DNHD1: variants seen among roughly 807,000 people sequenced by gnomAD.
DNHD1 encodes the protein dynein heavy chain domain-containing protein 1.
A neutral mutation model predicts 458.1 loss-of-function variants in DNHD1; 383 were observed. The ratio of observed to expected loss-of-function variants is 0.84; its 90% CI spans 0.77 to 0.91. The LOEUF (loss-of-function observed/expected upper bound fraction) is 0.91. Among genes scored for constraint, DNHD1 ranks in the 40% least tolerant of loss-of-function variants. The probability of loss-of-function intolerance (pLI) is 0.00; values close to 1 mark genes in which losing one functional copy is unlikely to be tolerated. For synonymous variants in DNHD1, 2,203 were observed against 2,376.9 expected, an observed-to-expected ratio of 0.93 and a Z score of 2.13; for missense variants, 5,336 against 5,866.1, an observed-to-expected ratio of 0.91 and a Z score of 2.95.
Position 6,544,975 on chromosome 11 carries a change from G to C in DNHD1, c.4036G>C (p.Glu1346Gln). ...GCTGGAGGGCATCATCATGAGTCTG[G>C]AGAGCGTGCTCTATGGGGTGTGTGC... ...VELEGIIMSLESVLYGVCAHF... is the reference protein window; with the variant it reads ...VELEGIIMSLQSVLYGVCAHF... Residue 1346 changes from glutamate (E) to glutamine (Q), a missense_variant, in exon 21 of 43, where the codon GAG becomes CAG. Physicochemically the swap from Glu to Gln is conservative, Grantham distance 29. This residue lies in a region of DNHD1 where 3,932 missense variants were observed against 4,365.6 expected (regional missense o/e 0.90). Transcript: ENST00000254579. 1 of 1,551,754 alleles carries C rather than the reference G, an allele frequency of 6.4e-7. No individual in the cohort carries two copies. Among genetic ancestry groups the C allele is most frequent in the Non-Finnish European group, 8.7e-7 (1 of 1,146,996 alleles).
rs757367778 is a variant in DNHD1 at position 6,570,844 on chromosome 11, G to A, written c.13332G>A (p.Val4444=). ...AAAGGCGACTGCGGCAACGCCTAGT[G>A]CAAGTCAACCGGAGGCTGGAGTCAC... ...LAERRLRQRL[V]QVNRRLESLQ... The change falls in exon 42 of 43, where the codon GTG becomes GTA. Residue 4444 remains valine, a synonymous_variant. Transcript: ENST00000254579. 6.2e-7 allele frequency: 1 copy of A among 1,614,046 alleles called. No individual in the cohort carries two copies. Among genetic ancestry groups the A allele is most frequent in the South Asian group, 1.1e-5 (1 of 91,088 alleles).
In DNHD1 at chr11:6,533,189, G is replaced by A. The variant is rs1220147669; in HGVS notation, c.2505+5G>A. 2.1e-5 allele frequency: 32 copies of A among 1,550,706 alleles called. No homozygotes were observed. The highest frequency in any genetic ancestry group is 2.8e-5 in the Non-Finnish European group (32 of 1,146,682). Reference sequence around the variant, plus strand: ...ATTGCACAGTGCACCCAGAAGGTGGGCTCTCCCCATCCATCCTTCCCAGTT... The same window carrying A: ...ATTGCACAGTGCACCCAGAAGGTGGACTCTCCCCATCCATCCTTCCCAGTT... On this transcript the variant is annotated splice_donor_5th_base_variant and intron_variant, in intron 13 of 42. Coordinates refer to ENST00000254579, the MANE Select transcript of DNHD1 (RefSeq NM_144666.3).
In DNHD1 at chr11:6,545,864, T is replaced by A. The variant is rs1853203244; in HGVS notation, c.4925T>A (p.Val1642Glu). Residue 1642 changes from valine (V) to glutamate (E), a missense_variant, in exon 21 of 43, where the codon GTG becomes GAG. Transcript: ENST00000254579. This position sits in a 1 kb window ranked among gnomAD's most constrained non-coding sequence, Gnocchi z 4.9. Reference sequence around the variant, plus strand: ...TCACCAGCGGCATGCTGGATAGATGTGCTAGGCAGGTCCTTCCTGTACAAT... The same window carrying A: ...TCACCAGCGGCATGCTGGATAGATGAGCTAGGCAGGTCCTTCCTGTACAAT... ...SLSPAACWID[V>E]LGRSFLYNYE... The A allele has an allele frequency of 7.1e-6, 11 of 1,551,738 alleles. No homozygotes were observed. Among genetic ancestry groups the A allele is most frequent in the Non-Finnish European group, 9.6e-6 (11 of 1,147,022 alleles).
intron 17 of DNHD1, among the ~76,000 whole-genome samples, 173 bp from the exon 18 acceptor site, chr11:6,539,703 C>T (rs928865887): frequency 5.3e-5 from 8 of 152,164 alleles, no homozygotes; most frequent in Non-Finnish European, 8.8e-5. Flanking sequence ...TAGATGCTGC[C>T]GATGGCCTAT....
chr11:6,503,614 G>A (rs1224808442), intron 4 of DNHD1: 9 of 152,198 alleles, frequency 5.9e-5, no homozygotes, highest in African/African-American at 2.2e-4. Context: ...CTCCTGAGTA[G>A]CTGGGATTAC....
At chr11:6,528,411 G>A in intron 10 of DNHD1, 111 bp from the exon 11 acceptor site, 3 of 1,153,386 alleles carry the variant, frequency 2.6e-6, no homozygotes, top group Non-Finnish European at 3.6e-6. Context: ...ATGGGTGTGT[G>A]TGTGTGTGTG....
chr11:6,519,830 C>G lies in DNHD1; in HGVS notation c.1623C>G (p.Thr541=), dbSNP rs765696750. Residue 541 remains threonine, a synonymous_variant, in exon 8 of 43, where the codon ACC becomes ACG. Coordinates refer to ENST00000254579, the MANE Select transcript of DNHD1 (RefSeq NM_144666.3). The part of the protein sequence containing the change: ...SLISVLEEQI[T]SFVANILQAP... ...TTTCTGTCTTGGAAGAGCAGATAAC[C>G]TCTTTTGTGGCCAACATCCTTCAAG... 5.1e-5 allele frequency: 82 copies of G among 1,612,566 alleles called. No individual in the cohort carries two copies. The highest frequency in any genetic ancestry group is 6.0e-5 in the Non-Finnish European group (71 of 1,180,032).
intron 39 of DNHD1, 33 bp downstream of exon 39, chr11:6,568,899 A>T: frequency 6.3e-7 from 1 of 1,575,836 alleles, no homozygotes; most frequent in Non-Finnish European, 8.6e-7. Context: ...TGCTCAGTCA[A>T]TCACTCAACA....
chr11:6,571,965 G>A lies in DNHD1; in HGVS notation c.14241G>A (p.Val4747=), dbSNP rs746928277. The change falls in exon 43 of 43, where the codon GTG becomes GTA. Residue 4747 remains valine, a synonymous_variant. Transcript: ENST00000254579. This position sits in a 1 kb window ranked among gnomAD's most constrained non-coding sequence, Gnocchi z 5.0. The part of the protein sequence containing the change: ...PNTCVQRRVH[V]CSPPLS ...CCTGTGTCCAAAGGAGGGTCCATGT[G>A]TGCAGCCCACCCCTGTCTTGAGCCC... The A allele has an allele frequency of 3.1e-6, 5 of 1,609,988 alleles. No homozygotes were observed. Among genetic ancestry groups the A allele is most frequent in the Admixed American group, 1.7e-5 (1 of 59,890 alleles).
In DNHD1 at chr11:6,566,164, G is replaced by C. The variant is rs926522649; in HGVS notation, c.11054-77G>C. 1.1e-5 allele frequency: 16 copies of C among 1,522,958 alleles called. No individual in the cohort carries two copies. In the African/African-American group the frequency reaches 1.9e-4, roughly 18 times the overall value. 94.3% of individuals were successfully genotyped at this position (1,522,958 alleles called of 1,614,324 possible). ...ATCAGCCACAGGGAAGCTGGTCAGA[G>C]CCAGACCTCGTGCCTGGGGAATGGG... On this transcript the variant is annotated intron_variant, in intron 33 of 42. Coordinates refer to ENST00000254579, the MANE Select transcript of DNHD1 (RefSeq NM_144666.3).
At position 6,559,018 on chromosome 11, in the gene DNHD1, G is replaced by A. The variant is rs756955354; in HGVS notation, c.9328G>A (p.Val3110Ile). 4.6e-5 allele frequency: 71 copies of A among 1,551,484 alleles called. No homozygotes were observed. Among genetic ancestry groups the A allele is most frequent in the Non-Finnish European group, 5.8e-5 (67 of 1,146,986 alleles). The change falls in exon 27 of 43, where the codon GTC (valine) becomes ATC (isoleucine). Residue 3110 changes from valine to isoleucine, a missense_variant. Around this residue, in one of 4 missense-constraint regions of DNHD1, gnomAD observed 3,932 missense variants for 4,365.6 expected, o/e 0.90. Coordinates refer to ENST00000254579, the MANE Select transcript of DNHD1 (RefSeq NM_144666.3). ...HEHLCPALPL[V>I]TPKTFLDFLD... ...GCACCTGTGCCCTGCATTGCCACTC[G>A]TCACCCCCAAGACCTTCCTAGACTT...
At position 6,557,118 on chromosome 11, in the gene DNHD1, C is replaced by G; in HGVS notation, c.7823C>G (p.Thr2608Arg). 2 of 1,551,774 alleles carry G rather than the reference C, an allele frequency of 1.3e-6. No individual in the cohort carries two copies. The highest frequency in any genetic ancestry group is 1.7e-6 in the Non-Finnish European group (2 of 1,147,012). Residue 2608 changes from threonine to arginine, a missense_variant, in exon 25 of 43, where the codon ACA (threonine) becomes AGA (arginine). Thr to Arg is a moderately conservative substitution (Grantham distance 71). Around this residue, in one of 4 missense-constraint regions of DNHD1, gnomAD observed 3,932 missense variants for 4,365.6 expected, o/e 0.90. Transcript: ENST00000254579. Reference sequence around the variant, plus strand: ...AGCCTGCAGCTGCTGCCCAACAGAACAGGCTCCCGAGGTTTTGTGGACTAT... The same window carrying G: ...AGCCTGCAGCTGCTGCCCAACAGAAGAGGCTCCCGAGGTTTTGTGGACTAT... ...LSSLQLLPNR[T>R]GSRGFVDYPN...
chr11:6,545,288 C>T lies in DNHD1; in HGVS notation c.4349C>T (p.Ser1450Phe), dbSNP rs759151288. 1.3e-6 allele frequency: 2 copies of T among 1,551,604 alleles called. No homozygotes were observed. The highest frequency in any genetic ancestry group is 1.7e-6 in the Non-Finnish European group (2 of 1,147,018). ...CCAGATCTCCCTAAGTGGCTGGCCT[C>T]TCTGGAGAAGTGTCTGCGCTTGGCA... The part of the protein sequence containing the change: ...LHPDLPKWLA[S>F]LEKCLRLALV... Residue 1450 changes from serine (S) to phenylalanine (F), a missense_variant, in exon 21 of 43, where the codon TCT (serine) becomes TTT (phenylalanine). Transcript: ENST00000254579. The surrounding 1 kb of genome is among the most constrained non-coding windows in gnomAD (Gnocchi z 4.9).
chr11:6,520,024 G>C lies in DNHD1; in HGVS notation c.1707G>C (p.Leu569=), dbSNP rs759977241. The C allele has an allele frequency of 1.2e-6, 2 of 1,614,188 alleles. No homozygotes were observed. Among genetic ancestry groups the C allele is most frequent in the Non-Finnish European group, 1.7e-6 (2 of 1,180,036 alleles). Residue 569 remains leucine (L), a synonymous_variant, in exon 9 of 43, where the codon CTG becomes CTC. Coordinates refer to ENST00000254579, the MANE Select transcript of DNHD1 (RefSeq NM_144666.3). ...TGGTCTTTGATGATCATGGTCAACT[G>C]TCTCATGTGCCCTGTGTTGAAAATA... ...SQLVFDDHGQ[L]SHVPCVENMI... is the part of the protein sequence containing the mutation.
intron 4 of DNHD1, 67 bp from the exon 5 acceptor site, chr11:6,508,813 T>G: frequency 6.7e-7 from 1 of 1,496,478 alleles, no homozygotes; most frequent in Non-Finnish European, 9.2e-7. Context: ...TCCTGTATCC[T>G]CCTTTGGTCT....
Position 6,570,973 on chromosome 11 carries a change from C to A in DNHD1, c.13461C>A (p.Thr4487=). The change falls in exon 42 of 43, where the codon ACC becomes ACA. Residue 4487 remains threonine (T), a synonymous_variant. Transcript: ENST00000254579. ...ARRPLEGVLE[T]EALELSQLVG... ...GGCCTCTGGAGGGCGTCTTAGAGACCGAGGCTCTAGAACTGAGCCAGTTGG... is the reference window on the plus strand; with the variant it reads ...GGCCTCTGGAGGGCGTCTTAGAGACAGAGGCTCTAGAACTGAGCCAGTTGG... The A allele has an allele frequency of 6.2e-7, 1 of 1,606,166 alleles. No individual in the cohort carries two copies. The highest frequency in any genetic ancestry group is 8.5e-7 in the Non-Finnish European group (1 of 1,174,028).
chr11:6,508,692 C>T (rs893716321), intron 4 of DNHD1, 188 bp from the exon 5 acceptor site: 8 of 587,436 alleles, frequency 1.4e-5, no homozygotes, highest in Non-Finnish European at 2.1e-5. Flanking sequence ...CCTTTGGCTT[C>T]GGTTTCTTCT....
Position 6,567,793 on chromosome 11 carries a change from C to T in DNHD1, c.12284C>T (p.Pro4095Leu), listed in dbSNP as rs768980004. The T allele has an allele frequency of 6.2e-7, 1 of 1,613,904 alleles. No individual in the cohort carries two copies. Among genetic ancestry groups the T allele is most frequent in the Non-Finnish European group, 8.5e-7 (1 of 1,179,906 alleles). Residue 4095 changes from proline (P) to leucine (L), a missense_variant, in exon 36 of 43, where the codon CCT becomes CTT. Coordinates refer to ENST00000254579, the MANE Select transcript of DNHD1 (RefSeq NM_144666.3). ...TQPMLILLPP[P>L]GHPSATLHPL... Reference sequence around the variant, plus strand: ...CCCATGCTGATCTTGTTGCCACCGCCTGGCCACCCCTCAGCCACTCTGCAT... The same window carrying T: ...CCCATGCTGATCTTGTTGCCACCGCTTGGCCACCCCTCAGCCACTCTGCAT...
chr11:6,533,284 C>T (rs1182869200), intron 13 of DNHD1, 100 bp downstream of exon 13: 2 of 1,223,882 alleles, frequency 1.6e-6, no homozygotes, highest in Non-Finnish European at 2.3e-6. Context: ...CCCAGCAGAG[C>T]TTGATGCTCT....
Sources: gnomAD v4.1 joint callset for allele counts (sites outside exome capture counted in the v4.1 genomes callset) on GRCh38, gnomAD v4.1.1 for gene constraint, gnomAD v4.1.1 regional missense constraint, Gnocchi (gnomAD v3.1) non-coding constraint, MANE v1.5 for transcripts, NCBI Gene and HGNC (gene_info 2026-07-23, HGNC 2026-07-21) for gene names.